CDK14: variants seen among roughly 807,000 people sequenced by gnomAD.
CDK14 encodes the protein cyclin-dependent kinase 14.
A neutral mutation model predicts 60.7 loss-of-function variants in CDK14; 34 were observed. That is an observed-to-expected ratio of 0.56 (90% confidence interval 0.43 to 0.75). The LOEUF (loss-of-function observed/expected upper bound fraction) is 0.75. Ranked by LOEUF, CDK14 falls within the 30% of genes least tolerant of loss-of-function variation. The probability of loss-of-function intolerance (pLI) is 0.00; values close to 1 mark genes in which losing one functional copy is unlikely to be tolerated. For missense variants in CDK14, 482 were observed against 564.1 expected, an observed-to-expected ratio of 0.85 and a Z score of 1.47; for synonymous variants, 197 against 203.7, an observed-to-expected ratio of 0.97 and a Z score of 0.28.
chr7:90,729,868 A>G (rs896065379), intron 3 of CDK14, among the ~76,000 whole-genome samples: 4 of 151,918 alleles, frequency 2.6e-5, no homozygotes, highest in South Asian at 4.1e-4. Context: ...TTTAAAAAAT[A>G]TATTTTTTCT....
chr7:90,959,661 C>G (rs1402715456), intron 9 of CDK14, among the ~76,000 whole-genome samples: 1 of 152,002 alleles, frequency 6.6e-6, no homozygotes, highest in Non-Finnish European at 1.5e-5. Context: ...TTCCAGTTTT[C>G]TGTTTAAATA....
At chr7:90,988,684 G>T (rs1795444312) in intron 10 of CDK14, among the ~76,000 whole-genome samples, 2 of 152,084 alleles carry the variant, frequency 1.3e-5, no homozygotes, top group Non-Finnish European at 2.9e-5. Context: ...TGAACAAATG[G>T]CAGGGAATGC....
chr7:90,754,247 A>G (rs1803965947), intron 4 of CDK14, among the ~76,000 whole-genome samples: 1 of 152,224 alleles, frequency 6.6e-6, no homozygotes, highest in Non-Finnish European at 1.5e-5. Context: ...AGGCTACAGT[A>G]ACTGAAACAG....
intron 10 of CDK14, among the ~76,000 whole-genome samples, chr7:91,017,705 C>T (rs530190412): frequency 1.3e-5 from 2 of 152,264 alleles, no homozygotes; most frequent in South Asian, 2.1e-4. Flanking sequence ...AGTATCACAG[C>T]GTCTGGAAGG....
intron 2 of CDK14, among the ~76,000 whole-genome samples, chr7:90,712,490 C>A (rs1802102321): frequency 6.6e-6 from 1 of 151,946 alleles, no homozygotes; most frequent in Admixed American, 6.6e-5. Flanking sequence ...CTTCTTAATG[C>A]ATTCTTTGAT....
At chr7:91,135,008 A>G (rs1003773366) in intron 14 of CDK14, among the ~76,000 whole-genome samples, 9 of 152,122 alleles carry the variant, frequency 5.9e-5, no homozygotes, top group African/African-American at 1.9e-4. Flanking sequence ...ACATATTTGT[A>G]TACATATATA....
At chr7:90,823,501 G>C (rs549069224) in intron 5 of CDK14, among the ~76,000 whole-genome samples, 1 of 152,340 alleles carries the variant, frequency 6.6e-6, no homozygotes, top group African/African-American at 2.4e-5. Context: ...TTCCGGCACA[G>C]AGAGAAGAAG....
At chr7:91,024,937 T>C (rs958472034) in intron 10 of CDK14, among the ~76,000 whole-genome samples, 1 of 152,212 alleles carries the variant, frequency 6.6e-6, no homozygotes, top group Non-Finnish European at 1.5e-5. Context: ...TTTCTGCTAG[T>C]GATTGATTCC....
intron 4 of CDK14, among the ~76,000 whole-genome samples, chr7:90,749,468 G>T (rs1042019815): frequency 6.6e-6 from 1 of 151,190 alleles, no homozygotes; most frequent in Non-Finnish European, 1.5e-5. Flanking sequence ...TGCTCACTTT[G>T]TTCAGCATCC....
chr7:90,884,902 A>G (rs1361452526), intron 6 of CDK14, among the ~76,000 whole-genome samples: 2 of 152,224 alleles, frequency 1.3e-5, no homozygotes, highest in African/African-American at 4.8e-5. Context: ...CTGAAACTGG[A>G]ACCCTTCCTT....
chr7:90,616,511 C>A (rs1196023984), intron 2 of CDK14, among the ~76,000 whole-genome samples: 3 of 152,106 alleles, frequency 2.0e-5, no homozygotes, highest in Non-Finnish European at 4.4e-5. Flanking sequence ...AAATGAGCAT[C>A]CTTGGGTCAT....
chr7:90,635,657 C>T (rs1236089586), intron 2 of CDK14, among the ~76,000 whole-genome samples: 2 of 151,968 alleles, frequency 1.3e-5, no homozygotes, highest in Non-Finnish European at 2.9e-5. Context: ...GTAGTTTTTT[C>T]CAATTCTGTG....
intron 6 of CDK14, among the ~76,000 whole-genome samples, chr7:90,883,748 G>A (rs1162783961): frequency 6.6e-6 from 1 of 152,170 alleles, no homozygotes; most frequent in Non-Finnish European, 1.5e-5. Flanking sequence ...CCACGATCAA[G>A]TTGGCTTCAT....
intron 12 of CDK14, among the ~76,000 whole-genome samples, chr7:91,090,114 C>T (rs923575827): frequency 6.6e-6 from 1 of 152,154 alleles, no homozygotes; most frequent in Non-Finnish European, 1.5e-5. Context: ...AGACGTTGGG[C>T]TTAAAGCTGG....
Position 90,800,360 on chromosome 7 carries a change from G to T in CDK14, c.544+9708G>T, listed in dbSNP as rs529288137. Reference sequence around the variant, plus strand: ...AAATGAATAATTTTATGATTTAATTGTAAAATTTGTACTGTATAATTAAAA... The same window carrying T: ...AAATGAATAATTTTATGATTTAATTTTAAAATTTGTACTGTATAATTAAAA... On this transcript the variant is annotated intron_variant, in intron 5 of 14. Coordinates refer to ENST00000380050, the MANE Select transcript of CDK14 (RefSeq NM_001287135.2). Among the ~76,000 whole-genome samples, 75 of 152,078 alleles carry T rather than the reference G, an allele frequency of 4.9e-4. No individual in the cohort carries two copies. In the South Asian group the frequency reaches 0.015, roughly 30 times the overall value.
chr7:90,752,007 T>C (rs980992519), intron 4 of CDK14, among the ~76,000 whole-genome samples: 10 of 152,136 alleles, frequency 6.6e-5, no homozygotes, highest in African/African-American at 1.9e-4. Context: ...GCATGCAACA[T>C]TGGAACAACC....
intron 10 of CDK14, among the ~76,000 whole-genome samples, chr7:90,999,643 G>A (rs1795787936): frequency 6.6e-6 from 1 of 152,092 alleles, no homozygotes; most frequent in African/African-American, 2.4e-5. Flanking sequence ...ACTGTTGGGG[G>A]ACATTGCTGC....
intron 2 of CDK14, among the ~76,000 whole-genome samples, chr7:90,604,915 G>T (rs1314633053): frequency 6.6e-6 from 1 of 152,216 alleles, no homozygotes; most frequent in Non-Finnish European, 1.5e-5. Context: ...CAGTGCCAAA[G>T]AGTGAAATGT....
intron 2 of CDK14, among the ~76,000 whole-genome samples, chr7:90,614,112 T>C (rs2116349618): frequency 6.6e-6 from 1 of 151,894 alleles, no homozygotes; most frequent in East Asian, 1.9e-4. Context: ...GTTCAAGTGA[T>C]TCTCCTGCCT....
Sources: allele counts gnomAD v4.1 joint callset (sites outside exome capture counted in the v4.1 genomes callset), GRCh38; gene constraint gnomAD v4.1.1; transcripts MANE v1.5; gene names NCBI Gene and HGNC (gene_info 2026-07-23, HGNC 2026-07-21).